LTBP1: variants seen among roughly 807,000 people sequenced by gnomAD.
The protein encoded by LTBP1 is latent transforming growth factor beta binding protein 1, also known as latent-transforming growth factor beta-binding protein 1.
In LTBP1, 129 loss-of-function variants were observed where a neutral mutation model predicts 207.6. The observed-to-expected ratio is 0.62, with a 90% CI of 0.54 to 0.72. LTBP1 has a LOEUF of 0.72. Among genes scored for constraint, LTBP1 ranks in the 30% least tolerant of loss-of-function variants. The pLI is 0.00. For synonymous variants in LTBP1, 963 were observed against 833.7 expected, an observed-to-expected ratio of 1.16 and a Z score of -2.67; for missense variants, 2,281 against 2,217.2, an observed-to-expected ratio of 1.03 and a Z score of -0.58.
At chr2:33,012,356 G>A (rs1687788130) in intron 2 of LTBP1, among the ~76,000 whole-genome samples, 1 of 152,230 alleles carries the variant, frequency 6.6e-6, no homozygotes, top group African/African-American at 2.4e-5. Flanking sequence ...CAGTAGATGA[G>A]CTTGGGCAAG....
intron 3 of LTBP1, among the ~76,000 whole-genome samples, chr2:33,040,820 TA>T (rs2076146623): frequency 6.6e-6 from 1 of 152,186 alleles, no homozygotes; most frequent in African/African-American, 2.4e-5. Flanking sequence ...GTTATTCCCT[TA>T]GTGCTTGTGC....
intron 11 of LTBP1, among the ~76,000 whole-genome samples, chr2:33,254,703 C>T (rs1186659252): frequency 6.9e-6 from 1 of 145,022 alleles, no homozygotes; most frequent in South Asian, 2.2e-4. Context: ...CCCATTAACT[C>T]GTCATTTAAC....
In LTBP1 at chr2:33,263,397, G is replaced by T; in HGVS notation, c.2617+5G>T. On this transcript the variant is annotated splice_donor_5th_base_variant and intron_variant, in intron 15 of 33. Transcript: ENST00000404816. ...TTGCTCCTACTCAAGTGACAGGTTG[G>T]TGCAGTATTTTTACATTATATATCA... The T allele has an allele frequency of 6.2e-7, 1 of 1,610,244 alleles. No homozygotes were observed. Among genetic ancestry groups the T allele is most frequent in the South Asian group, 1.1e-5 (1 of 90,972 alleles).
chr2:33,025,576 C>G (rs114865426), intron 3 of LTBP1, among the ~76,000 whole-genome samples: 3 of 152,178 alleles, frequency 2.0e-5, no homozygotes, highest in Non-Finnish European at 4.4e-5. Flanking sequence ...ATAACAATGA[C>G]GATTTATAGA....
intron 3 of LTBP1, among the ~76,000 whole-genome samples, chr2:33,105,463 G>A (rs1294316636): frequency 1.3e-5 from 2 of 149,784 alleles, no homozygotes; most frequent in African/African-American, 2.5e-5. Context: ...TTGAGACAGA[G>A]TCTCACTCTG....
At chr2:33,292,759 C>T (rs2093799218) in intron 19 of LTBP1, among the ~76,000 whole-genome samples, 1 of 152,164 alleles carries the variant, frequency 6.6e-6, no homozygotes, top group Non-Finnish European at 1.5e-5. Context: ...ATATCTTTTG[C>T]TTTTGTGAAC....
At chr2:33,285,098 A>G (rs566272739) in intron 19 of LTBP1, among the ~76,000 whole-genome samples, 3 of 144,874 alleles carry the variant, frequency 2.1e-5, no homozygotes, top group African/African-American at 7.8e-5. Context: ...CTGGAGTGCA[A>G]TGGCGTGATC....
chr2:33,361,556 C>T, intron 28 of LTBP1, 41 bp downstream of exon 28: 1 of 1,377,920 alleles, frequency 7.3e-7, no homozygotes, highest in Non-Finnish European at 1.0e-6. Flanking sequence ...ACATTGTGTA[C>T]ATGTCAGATA....
At chr2:33,031,082 T>C (rs892964893) in intron 3 of LTBP1, among the ~76,000 whole-genome samples, 8 of 152,202 alleles carry the variant, frequency 5.3e-5, no homozygotes, top group Non-Finnish European at 1.2e-4. Context: ...GCAAAAAATA[T>C]TATTAGTACT....
chr2:33,038,277 A>T (rs375262116), intron 3 of LTBP1, among the ~76,000 whole-genome samples: 1 of 151,354 alleles, frequency 6.6e-6, no homozygotes, highest in Non-Finnish European at 1.5e-5. Context: ...GACAGATGCG[A>T]CTCCTCCTGT....
intron 31 of LTBP1, among the ~76,000 whole-genome samples, chr2:33,387,807 T>C (rs1318622148): frequency 6.6e-6 from 1 of 151,756 alleles, no homozygotes. Context: ...GCCATTGCCT[T>C]GCGCGACAAT....
chr2:33,268,232 G>A, intron 15 of LTBP1, among the ~76,000 whole-genome samples: 1 of 152,062 alleles, frequency 6.6e-6, no homozygotes, highest in East Asian at 1.9e-4. Context: ...GTTTCATATG[G>A]GAGCCAAACA....
chr2:32,969,347 G>C (rs1230090781), intron 2 of LTBP1, among the ~76,000 whole-genome samples: 1 of 151,142 alleles, frequency 6.6e-6, no homozygotes, highest in East Asian at 1.9e-4. Context: ...TGTGTGTTGT[G>C]GTTTGATGTG....
chr2:32,968,631 A>T (rs1423096659), intron 2 of LTBP1, among the ~76,000 whole-genome samples: 2 of 151,904 alleles, frequency 1.3e-5, no homozygotes, highest in African/African-American at 4.8e-5. Context: ...GTGATTATTG[A>T]TACAGTTGGA....
intron 15 of LTBP1, 124 bp downstream of exon 15, chr2:33,263,516 G>T: frequency 1.6e-6 from 1 of 609,228 alleles, no homozygotes; most frequent in South Asian, 2.3e-5. Flanking sequence ...GCAAATATTT[G>T]GAAATCATCT....
chr2:33,162,105 G>A (rs2084519955), intron 5 of LTBP1, among the ~76,000 whole-genome samples: 1 of 152,198 alleles, frequency 6.6e-6, no homozygotes, highest in African/African-American at 2.4e-5. Context: ...CCTCAAAAGA[G>A]CAAATTTGGA....
intron 20 of LTBP1, among the ~76,000 whole-genome samples, chr2:33,299,745 G>T (rs1424390890): frequency 6.6e-6 from 1 of 152,146 alleles, no homozygotes; most frequent in Non-Finnish European, 1.5e-5. Flanking sequence ...TCAAGTTATT[G>T]ATGAAGCCAG....
chr2:33,229,783 G>A (rs1447704668), intron 9 of LTBP1, among the ~76,000 whole-genome samples: 1 of 152,116 alleles, frequency 6.6e-6, no homozygotes, highest in African/African-American at 2.4e-5. Context: ...ATTCGCTGAT[G>A]GTCTACTGGT....
chr2:33,158,349 T>C (rs779352918), intron 5 of LTBP1, among the ~76,000 whole-genome samples: 5 of 152,018 alleles, frequency 3.3e-5, no homozygotes, highest in Non-Finnish European at 7.4e-5. Context: ...ATAGAAGAAA[T>C]ATTCTATGTA....
Sources: allele counts gnomAD v4.1 joint callset (sites outside exome capture counted in the v4.1 genomes callset), GRCh38; gene constraint gnomAD v4.1.1; transcripts MANE v1.5; gene names NCBI Gene and HGNC (gene_info 2026-07-23, HGNC 2026-07-21).